The following NELL2 variants were observed in gnomAD, a reference collection of about 807,000 sequenced individuals.
NELL2 encodes neural EGFL like 2.
Under a neutral mutation model 109.6 loss-of-function variants are expected in NELL2, and 41 were observed. The observed-to-expected ratio is 0.37, with a 90% confidence interval of 0.29 to 0.49. NELL2 has a LOEUF of 0.49. NELL2 is among the 20% of genes least tolerant of loss of function. NELL2 has a pLI of 0.98. For missense variants in NELL2, 900 were observed against 1,008.3 expected (o/e 0.89, Z 1.45); for synonymous variants, 355 against 344.7 (o/e 1.03, Z -0.33).
At chr12:44,899,977 A>G (rs188233899) in intron 1 of NELL2, among the ~76,000 whole-genome samples, 2 of 152,332 alleles carry the variant, frequency 1.3e-5, no homozygotes, top group East Asian at 3.9e-4. Context: ...CTCTGATAAA[A>G]CAGACTTTAA....
intron 15 of NELL2, among the ~76,000 whole-genome samples, chr12:44,540,068 C>G (rs1005112265): frequency 3.3e-5 from 5 of 152,086 alleles, no homozygotes; most frequent in African/African-American, 1.2e-4. Context: ...AGATGGAGTA[C>G]AATAGGTGAA....
At chr12:44,921,334 T>C (rs268033) in intron 1 of NELL2, among the ~76,000 whole-genome samples, 4,175 of 152,140 alleles carry the variant, frequency 0.027, 193 homozygotes, top group African/African-American at 0.095. Context: ...TTACAGAAAA[T>C]ACAAATGTAA....
At chr12:44,676,788 C>T (rs755901946) in intron 12 of NELL2, among the ~76,000 whole-genome samples, 2 of 151,946 alleles carry the variant, frequency 1.3e-5, no homozygotes, top group Non-Finnish European at 2.9e-5. Flanking sequence ...AAATAACACA[C>T]ATGGAGAAAA....
At chr12:44,515,584 C>T (rs1408086674) in intron 19 of NELL2, among the ~76,000 whole-genome samples, 1 of 151,774 alleles carries the variant, frequency 6.6e-6, no homozygotes, top group African/African-American at 2.4e-5. Context: ...TCAAACTCAT[C>T]AAACTATATA....
chr12:44,885,062 T>G (rs912042394), intron 1 of NELL2, among the ~76,000 whole-genome samples: 1 of 151,956 alleles, frequency 6.6e-6, no homozygotes, highest in African/African-American at 2.4e-5. Context: ...GCGGATCACC[T>G]GAGGTCAGGA....
At chr12:44,596,583 G>GT (rs759914123) in intron 15 of NELL2, among the ~76,000 whole-genome samples, 85 of 151,376 alleles carry the variant, frequency 5.6e-4, no homozygotes, top group South Asian at 1.3e-3. Context: ...CATGAAACAG[G>GT]TTTTTTTTTC....
intron 13 of NELL2, among the ~76,000 whole-genome samples, chr12:44,617,946 G>A (rs1028003574): frequency 7.2e-5 from 11 of 151,800 alleles, no homozygotes; most frequent in African/African-American, 2.7e-4. Flanking sequence ...AATCTATTTT[G>A]GACATTTTTC....
chr12:44,575,344 A>C (rs1466982369), intron 15 of NELL2, among the ~76,000 whole-genome samples: 1 of 152,266 alleles, frequency 6.6e-6, no homozygotes, highest in Non-Finnish European at 1.5e-5. Flanking sequence ...TTTTTCAATC[A>C]GGTATGTGCA....
At chr12:44,534,873 T>C (rs1942227649) in intron 15 of NELL2, among the ~76,000 whole-genome samples, 1 of 152,200 alleles carries the variant, frequency 6.6e-6, no homozygotes, top group Non-Finnish European at 1.5e-5. Flanking sequence ...GCCTTCAAAT[T>C]AGTCCTTTCT....
In NELL2 at chr12:44,650,452, C is replaced by A. The variant is rs1348493698; in HGVS notation, c.1444+15032G>T. On this transcript the variant is annotated intron_variant, in intron 13 of 19. Coordinates refer to ENST00000429094, the MANE Select transcript of NELL2 (RefSeq NM_001145108.2). ...CTGGGATTACAGGCGCCTGCCACCA[C>A]GCCTGGCTAATTTTTGTATTTTTGG... Among the ~76,000 whole-genome samples the A allele has an allele frequency of 2.0e-5, 3 of 151,950 alleles. No individual in the cohort carries two copies. In the South Asian group the frequency reaches 6.2e-4, roughly 32 times the overall value.
chr12:44,742,697 T>TA (rs1940060128), intron 9 of NELL2, among the ~76,000 whole-genome samples: 1 of 152,064 alleles, frequency 6.6e-6, no homozygotes, highest in Admixed American at 6.5e-5. Flanking sequence ...GAAGAAAGGG[T>TA]ATCAGTGATG....
rs188505982 is a variant in NELL2, at chr12:44,849,287, C to T, written c.184+25938G>A. The stretch of plus-strand genomic sequence containing the variant: ...TGGGAGAAAATATCCACAAAATAAA[C>T]ATCTAACAAAGGGCATATTTTCATA... On this transcript the variant is annotated intron_variant, in intron 2 of 19. Transcript: ENST00000429094. Among the ~76,000 whole-genome samples the T allele has an allele frequency of 1.5e-3, 234 of 152,112 alleles. 1 individual carries two copies. Among genetic ancestry groups the T allele is most frequent in the African/African-American group, 5.5e-3 (229 of 41,480 alleles).
chr12:44,518,778 T>C (rs1941395541), intron 19 of NELL2, among the ~76,000 whole-genome samples: 2 of 152,230 alleles, frequency 1.3e-5, no homozygotes, highest in Non-Finnish European at 2.9e-5. Context: ...TGTTAGTCAT[T>C]AGTGCTAAGT....
chr12:44,676,111 G>T (rs1948307076), intron 12 of NELL2, among the ~76,000 whole-genome samples: 1 of 152,094 alleles, frequency 6.6e-6, no homozygotes, highest in Admixed American at 6.6e-5. Flanking sequence ...TTGAAGTCAT[G>T]CAGCTCAATT....
chr12:44,588,489 T>C (rs796271626), intron 15 of NELL2, among the ~76,000 whole-genome samples: 10 of 152,282 alleles, frequency 6.6e-5, no homozygotes, highest in African/African-American at 1.9e-4. Flanking sequence ...TTGTGGAGGA[T>C]AATTTGTCTC....
At chr12:44,762,859 C>T (rs1185452139) in intron 9 of NELL2, among the ~76,000 whole-genome samples, 5 of 152,190 alleles carry the variant, frequency 3.3e-5, no homozygotes, top group African/African-American at 1.2e-4. Flanking sequence ...GCATTGCATA[C>T]TTGACCATTA....
intron 12 of NELL2, among the ~76,000 whole-genome samples, chr12:44,686,198 T>G (rs1447727140): frequency 6.6e-6 from 1 of 152,226 alleles, no homozygotes; most frequent in Non-Finnish European, 1.5e-5. Flanking sequence ...TTCTTCCAGT[T>G]GATCACATCG....
At chr12:44,871,577 C>T (rs1425164002) in intron 2 of NELL2, among the ~76,000 whole-genome samples, 1 of 152,122 alleles carries the variant, frequency 6.6e-6, no homozygotes, top group Non-Finnish European at 1.5e-5. Flanking sequence ...ATCTCTTAAA[C>T]ACTGTGTTAT....
In NELL2 at chr12:44,535,777, A is replaced by G. The variant is rs540792518; in HGVS notation, c.1664-3056T>C. On this transcript the variant is annotated intron_variant, in intron 15 of 19. Coordinates refer to ENST00000429094, the MANE Select transcript of NELL2 (RefSeq NM_001145108.2). ...GAAACAATATTAAGTAAATATGGGT[A>G]TAAATGGTCTATGAATATGACAAAA... Among the ~76,000 whole-genome samples, 3 of 152,120 alleles carry G rather than the reference A, an allele frequency of 2.0e-5. No individual in the cohort carries two copies. The South Asian group carries it at 6.2e-4, about 32-fold the overall frequency.
Sources: allele counts gnomAD v4.1 joint callset (sites outside exome capture counted in the v4.1 genomes callset), GRCh38; gene constraint gnomAD v4.1.1; transcripts MANE v1.5; gene names NCBI Gene and HGNC (gene_info 2026-07-23, HGNC 2026-07-21).